BDP1: variants seen among roughly 807,000 people sequenced by gnomAD.
BDP1 encodes the protein BDP1 general transcription factor IIIB subunit.
Under a neutral mutation model 266.6 loss-of-function variants are expected in BDP1, and 169 were observed. The observed-to-expected ratio is 0.63, with a 90% CI of 0.56 to 0.72. The LOEUF (loss-of-function observed/expected upper bound fraction) is 0.72, where lower values mean the gene tolerates loss of function less well. Ranked by LOEUF, BDP1 falls within the 30% of genes least tolerant of loss-of-function variation. BDP1 has a pLI of 0.00. For synonymous variants in BDP1, 1,090 were observed against 1,022.4 expected, an observed-to-expected ratio of 1.07 and a Z score of -1.26; for missense variants, 3,015 against 3,053.8, an observed-to-expected ratio of 0.99 and a Z score of 0.30.
chr5:71,556,837 G>A, intron 35 of BDP1, 49 bp from the exon 36 acceptor site: 1 of 873,634 alleles, frequency 1.1e-6, no homozygotes, highest in Non-Finnish European at 1.7e-6. Context: ...ATTAATTTCA[G>A]TTTTACTTGA....
intron 26 of BDP1, among the ~76,000 whole-genome samples, chr5:71,535,652 A>G (rs1228269380): frequency 6.6e-6 from 1 of 152,180 alleles, no homozygotes; most frequent in Non-Finnish European, 1.5e-5. Flanking sequence ...TAGAAGTCTA[A>G]AATCAAGGTG....
At position 71,565,055 on chromosome 5, in the gene BDP1, C is replaced by T. The variant is rs1236838388; in HGVS notation, c.*170C>T. The T allele has an allele frequency of 9.7e-6, 6 of 621,502 alleles. No individual in the cohort carries two copies. The East Asian group carries it at 1.5e-4, about 16-fold the overall frequency. 38.5% of individuals were successfully genotyped at this position (621,502 alleles called of 1,614,324 possible). On this transcript the variant is annotated 3_prime_UTR_variant, in exon 39 of 39. Coordinates refer to ENST00000358731, the MANE Select transcript of BDP1 (RefSeq NM_018429.3). ...CTTTTATAATCAGTGGAAAACATTT[C>T]TGAGGTTCCTTTCATTCTGACTGAT...
At chr5:71,531,260 CAAAAG>C (rs1419819611) in intron 25 of BDP1, among the ~76,000 whole-genome samples, 1 of 151,850 alleles carries the variant, frequency 6.6e-6, no homozygotes, top group Non-Finnish European at 1.5e-5. Flanking sequence ...CTCAGAATAA[CAAAAG>C]AAAAACAAAA....
chr5:71,558,270 C>T (rs968248303), intron 36 of BDP1, among the ~76,000 whole-genome samples: 2 of 56,414 alleles, frequency 3.5e-5, no homozygotes, highest in Non-Finnish European at 9.5e-5. Flanking sequence ...CGCAGTGGCT[C>T]ATGGCCTGTA....
chr5:71,564,839 A>C lies in BDP1; in HGVS notation c.7829A>C (p.Glu2610Ala). ...APQGEATTVS[E>A]YFFNDIFIEV... ...CAAGGGGAGGCAACCACAGTCTCTG[A>C]ATATTTCTTCAATGATATCTTCATT... Residue 2610 changes from glutamate (E) to alanine (A), a missense_variant, in exon 39 of 39, where the codon GAA becomes GCA. By Grantham distance (107) the Glu-to-Ala change is moderately radical. Around this residue, in one of 3 missense-constraint regions of BDP1, gnomAD observed 629 missense variants for 632.5 expected, o/e 0.99. Transcript: ENST00000358731. 6.2e-7 allele frequency: 1 copy of C among 1,610,902 alleles called. No individual in the cohort carries two copies. Among genetic ancestry groups the C allele is most frequent in the Non-Finnish European group, 8.5e-7 (1 of 1,179,484 alleles).
intron 7 of BDP1, among the ~76,000 whole-genome samples, chr5:71,472,323 T>A (rs1277197038): frequency 6.6e-6 from 1 of 152,132 alleles, no homozygotes; most frequent in Non-Finnish European, 1.5e-5. Context: ...TAGCCGGACG[T>A]GGTGGCGCAT....
chr5:71,465,621 G>A (rs1248272753), intron 4 of BDP1, among the ~76,000 whole-genome samples: 4 of 152,166 alleles, frequency 2.6e-5, no homozygotes, highest in Non-Finnish European at 5.9e-5. Context: ...GGTGGCTCAC[G>A]CCTGTAATCC....
chr5:71,486,250 T>G (rs549743281), intron 8 of BDP1, among the ~76,000 whole-genome samples: 15 of 152,334 alleles, frequency 9.8e-5, no homozygotes, highest in Middle Eastern at 3.4e-3. Flanking sequence ...AATTATTATT[T>G]GTAATAAACT....
At position 71,524,140 on chromosome 5, in the gene BDP1, C is replaced by A; in HGVS notation, c.5589C>A (p.Ala1863=). Residue 1863 remains alanine (A), a synonymous_variant, in exon 25 of 39, where the codon GCC becomes GCA. Transcript: ENST00000358731. ...TSKKEPRASK[A]MLVTLRASQE... ...AGAAGGAACCTAGAGCTTCCAAGGC[C>A]ATGCTGGTGACTCTTCGGGCTTCCC... 4.3e-6 allele frequency: 7 copies of A among 1,614,170 alleles called. No homozygotes were observed. Among genetic ancestry groups the A allele is most frequent in the Non-Finnish European group, 5.9e-6 (7 of 1,180,040 alleles).
At chr5:71,475,408 C>T (rs1762521269) in intron 7 of BDP1, among the ~76,000 whole-genome samples, 1 of 152,332 alleles carries the variant, frequency 6.6e-6, no homozygotes, top group South Asian at 2.1e-4. Flanking sequence ...CTGTGCCTGG[C>T]CCTTCAGTGC....
chr5:71,556,990 C>A (rs965673571), intron 36 of BDP1, 65 bp downstream of exon 36: 8 of 842,024 alleles, frequency 9.5e-6, no homozygotes, highest in South Asian at 2.4e-5. Context: ...TGGGATATAC[C>A]TTGTTCAAAT....
chr5:71,483,707 T>G, intron 7 of BDP1, 135 bp from the exon 8 acceptor site: 1 of 641,776 alleles, frequency 1.6e-6, no homozygotes, highest in South Asian at 2.0e-5. Flanking sequence ...TTAAGTAACT[T>G]GCCTATTGGC....
chr5:71,516,652 A>G (rs1215279651), intron 21 of BDP1, among the ~76,000 whole-genome samples: 2 of 152,172 alleles, frequency 1.3e-5, no homozygotes, highest in East Asian at 3.8e-4. Context: ...TCTGTTATTC[A>G]CTGAATACTA....
rs748749374 is a variant in BDP1, at chr5:71,509,883, G to A, written c.2791G>A (p.Glu931Lys). 1 of 1,614,130 alleles carries A rather than the reference G, an allele frequency of 6.2e-7. No homozygotes were observed. The highest frequency in any genetic ancestry group is 2.2e-5 in the East Asian group (1 of 44,878). Reference protein sequence around the residue: ...ATEEIDKDLEEAGRREISPQK... With the variant: ...ATEEIDKDLEKAGRREISPQK... ...TGAGGAAATAGACAAAGATTTGGAA[G>A]AAGCTGGAAGAAGAGAAATATCCCC... Residue 931 changes from glutamate to lysine, a missense_variant, in exon 17 of 39, where the codon GAA becomes AAA. Glu to Lys is a moderately conservative substitution (Grantham distance 56). Around this residue, in one of 3 missense-constraint regions of BDP1, gnomAD observed 2,383 missense variants for 2,404.9 expected, o/e 0.99. Transcript: ENST00000358731.
intron 20 of BDP1, among the ~76,000 whole-genome samples, chr5:71,515,593 A>G (rs1765175218): frequency 6.6e-6 from 1 of 152,192 alleles, no homozygotes; most frequent in African/African-American, 2.4e-5. Context: ...GCTTATATGT[A>G]TATAAGCTAT....
chr5:71,515,948 A>G (rs1765191733), intron 20 of BDP1, 113 bp from the exon 21 acceptor site: 6 of 679,906 alleles, frequency 8.8e-6, no homozygotes, highest in Non-Finnish European at 1.5e-5. Flanking sequence ...CTTTAATGGT[A>G]CAAAGTATTT....
intron 2 of BDP1, among the ~76,000 whole-genome samples, chr5:71,461,251 A>T (rs1291942488): frequency 1.3e-5 from 2 of 152,038 alleles, no homozygotes; most frequent in Admixed American, 6.6e-5. Context: ...AAGTGCTGGG[A>T]TTAGAGAAAT....
At chr5:71,486,711 G>GT (rs1763286418) in intron 9 of BDP1, 84 bp downstream of exon 9, 1 of 1,135,856 alleles carries the variant, frequency 8.8e-7, no homozygotes, top group Admixed American at 3.1e-5. Flanking sequence ...GAGAGTTCAT[G>GT]TGTAGCTCAG....
chr5:71,537,149 C>CAAAAAAAAAAAA (rs70992979), intron 26 of BDP1, among the ~76,000 whole-genome samples: 3 of 82,426 alleles, frequency 3.6e-5, no homozygotes, highest in African/African-American at 9.8e-5. Context: ...ACCAAAAAAC[C>CAAAAAAAAAAAA]AAAAAAAAAA....
Sources: gnomAD v4.1 joint callset for allele counts (sites outside exome capture counted in the v4.1 genomes callset) on GRCh38, gnomAD v4.1.1 for gene constraint, gnomAD v4.1.1 regional missense constraint, MANE v1.5 for transcripts, NCBI Gene and HGNC (gene_info 2026-07-23, HGNC 2026-07-21) for gene names.